The following APOB variants were observed in gnomAD, a reference collection of about 807,000 sequenced individuals.
APOB encodes the protein apolipoprotein B, also known as apolipoprotein B-100.
In APOB, 153 loss-of-function variants were observed where a neutral mutation model predicts 314.1. The ratio of observed to expected loss-of-function variants is 0.49; its 90% CI spans 0.43 to 0.56. APOB has a LOEUF of 0.56. Among genes scored for constraint, APOB ranks in the 20% least tolerant of loss-of-function variants. The pLI, the probability that APOB is intolerant of heterozygous loss-of-function variation, is 0.00. For synonymous variants in APOB, 2,087 were observed against 2,036.4 expected (o/e 1.02, Z -0.67); for missense variants, 5,430 against 5,350.7 (o/e 1.01, Z -0.46).
chr2:21,043,958 TG>T lies in APOB; in HGVS notation c.-14del. On this transcript the variant is annotated 5_prime_UTR_variant, in exon 1 of 29. Coordinates refer to ENST00000233242, the MANE Select transcript of APOB (RefSeq NM_000384.3). ...TCGGCGGGTCCATCGCCAGCTGCGG[TG>T]GGGCGGCTCCTGGGCTGCGGCCTGG... 1 of 1,271,562 alleles carries T rather than the reference TG, an allele frequency of 7.9e-7. No individual in the cohort carries two copies. The highest frequency in any genetic ancestry group is 2.2e-5 in the South Asian group (1 of 46,114). 78.8% of individuals were successfully genotyped at this position (1,271,562 alleles called of 1,614,324 possible).
Position 21,008,895 on chromosome 2 carries a change from A to G in APOB, c.7973T>C (p.Ile2658Thr). 6.2e-7 allele frequency: 1 copy of G among 1,614,068 alleles called. No homozygotes were observed. The highest frequency in any genetic ancestry group is 1.1e-5 in the South Asian group (1 of 91,084). The change falls in exon 26 of 29, where the codon ATT (isoleucine) becomes ACT (threonine). Residue 2658 changes from isoleucine to threonine, a missense_variant. Ile to Thr is a moderately conservative substitution (Grantham distance 89). Transcript: ENST00000233242. ...PEFTILNTFHIPSFTIDFVEM... is the reference protein window; with the variant it reads ...PEFTILNTFHTPSFTIDFVEM... ...TACAAAGTCAATTGTAAAGGAAGGA[A>G]TGTGGAAGGTGTTAAGGATGGTAAA... is the stretch of plus-strand genomic sequence containing the variant.
rs200353509 is a variant in APOB, at chr2:21,035,701, G to A, written c.701C>T (p.Pro234Leu). The change falls in exon 7 of 29, where the codon CCC (proline) becomes CTC (leucine). Residue 234 changes from proline to leucine, a missense_variant. By Grantham distance (98) the Pro-to-Leu change is moderately conservative (BLOSUM62 -3). Coordinates refer to ENST00000233242, the MANE Select transcript of APOB (RefSeq NM_000384.3). ...PLALIKGMTR[P>L]LSTLISSSQS... ...GCTGCTGCTGATCAGAGTTGACAAG[G>A]GGCGGGTCTATGAAAGAGATTGGAG... 6.2e-7 allele frequency: 1 copy of A among 1,614,056 alleles called. No individual in the cohort carries two copies.
In APOB at chr2:21,035,478, A is replaced by T. The variant is rs190243210; in HGVS notation, c.818+106T>A. 78 of 1,466,494 alleles carry T rather than the reference A, an allele frequency of 5.3e-5. No individual in the cohort carries two copies. The African/African-American group carries it at 1.0e-3, about 19-fold the overall frequency. 90.8% of individuals were successfully genotyped at this position (1,466,494 alleles called of 1,614,324 possible). A position where few individuals can be genotyped will look rare whatever the true frequency, so the allele number is the denominator to read the frequency against. On this transcript the variant is annotated intron_variant, in intron 7 of 28. Coordinates refer to ENST00000233242, the MANE Select transcript of APOB (RefSeq NM_000384.3). ...GAGGGGCGGCATTTTATCCCTCTCC[A>T]TTCCTCCCTCCCAGGCACAGGTTTG...
At position 21,042,481 on chromosome 2, in the gene APOB, C is replaced by T. The variant is rs1664156266; in HGVS notation, c.122-5G>A. The T allele has an allele frequency of 5.0e-6, 8 of 1,612,046 alleles. No homozygotes were observed. Among genetic ancestry groups the T allele is most frequent in the Non-Finnish European group, 6.8e-6 (8 of 1,178,108 alleles). ...GCTTGAATCGGGTCGCATCTTCTAA[C>T]GTGGGGAGAAATACGTCAGCCACAT... On this transcript the variant is annotated splice_region_variant and splice_polypyrimidine_tract_variant and intron_variant, in intron 2 of 28. Transcript: ENST00000233242.
chr2:21,021,560 T>A (rs1160347019), intron 18 of APOB, among the ~76,000 whole-genome samples: 1 of 152,224 alleles, frequency 6.6e-6, no homozygotes, highest in African/African-American at 2.4e-5. Context: ...CAGCTGGGCA[T>A]GCTCTCTCCC....
chr2:21,028,624 T>C (rs1663802925), intron 12 of APOB, 86 bp from the exon 13 acceptor site: 1 of 921,810 alleles, frequency 1.1e-6, no homozygotes, highest in East Asian at 2.4e-5. Flanking sequence ...GTCTGCTAGC[T>C]CTTTCTTAAG....
At chr2:21,030,299 ATACT>A (rs1663841779) in intron 10 of APOB, among the ~76,000 whole-genome samples, 1 of 152,228 alleles carries the variant, frequency 6.6e-6, no homozygotes, top group Non-Finnish European at 1.5e-5. Context: ...ATAAAGTCAC[ATACT>A]TACAGTCAAC....
chr2:21,012,793 A>C (rs1663362949), intron 25 of APOB, 142 bp from the exon 26 acceptor site: 2 of 934,396 alleles, frequency 2.1e-6, no homozygotes, highest in African/African-American at 3.3e-5. Flanking sequence ...ATGCAAAGAT[A>C]AAATCTGATA....
chr2:21,024,873 C>T lies in APOB; in HGVS notation c.2436+60G>A, dbSNP rs781137622. 1.5e-5 allele frequency: 24 copies of T among 1,565,102 alleles called. No individual in the cohort carries two copies. In the East Asian group the frequency reaches 2.5e-4, roughly 16 times the overall value. ...AGCTGGGATCGTAAGGGAGTCTGGG[C>T]GATCTAAAAAAAAACCAACGTCTGG... On this transcript the variant is annotated intron_variant, in intron 16 of 28. Coordinates refer to ENST00000233242, the MANE Select transcript of APOB (RefSeq NM_000384.3).
chr2:21,040,655 G>C (rs1425846086), intron 4 of APOB, among the ~76,000 whole-genome samples: 1 of 152,144 alleles, frequency 6.6e-6, no homozygotes, highest in Non-Finnish European at 1.5e-5. Flanking sequence ...CTTTAAATAA[G>C]AATTCACTTG....
In APOB at chr2:21,010,033, G is replaced by T. The variant is rs121918388; in HGVS notation, c.6835C>A (p.Gln2279Lys). ...LKRHIQNIDI[Q>K]HLAGKLKQHI... ...TGTTTTAACTTTCCAGCTAGGTGCT[G>T]GATGTCTATATTCTGTATGTGTCTC... is the stretch of plus-strand genomic sequence containing the variant. The change falls in exon 26 of 29, where the codon CAG becomes AAG. Residue 2279 changes from glutamine to lysine, a missense_variant. Physicochemically the swap from Gln to Lys is moderately conservative, Grantham distance 53 (BLOSUM62 1). Around this residue, in one of 3 missense-constraint regions of APOB, gnomAD observed 3,281 missense variants for 3,171.0 expected, o/e 1.03. Coordinates refer to ENST00000233242, the MANE Select transcript of APOB (RefSeq NM_000384.3). 1 of 1,613,596 alleles carries T rather than the reference G, an allele frequency of 6.2e-7. No individual in the cohort carries two copies. Among genetic ancestry groups the T allele is most frequent in the Non-Finnish European group, 8.5e-7 (1 of 1,179,922 alleles).
chr2:21,029,072 G>A (rs1032387704), intron 12 of APOB, among the ~76,000 whole-genome samples: 2 of 152,210 alleles, frequency 1.3e-5, no homozygotes, highest in African/African-American at 4.8e-5. Flanking sequence ...TCTGCATGTT[G>A]ACATAGCAGC....
At chr2:21,020,011 G>T in intron 18 of APOB, 106 bp from the exon 19 acceptor site, 1 of 959,944 alleles carries the variant, frequency 1.0e-6, no homozygotes, top group Non-Finnish European at 1.7e-6. Flanking sequence ...TCTTCCCTCA[G>T]TCCACACCTA....
Position 21,043,940 on chromosome 2 carries a change from G to T in APOB, c.6C>A (p.Asp2Glu). ...GCGCCAGCAGCGCGGGCCTCGGCGG[G>T]TCCATCGCCAGCTGCGGTGGGGCGG... MDPPRPALLALL... is the reference protein window; with the variant it reads MEPPRPALLALL... Residue 2 changes from aspartate (D) to glutamate (E), a missense_variant, in exon 1 of 29, where the codon GAC becomes GAA. Physicochemically the swap from Asp to Glu is conservative, Grantham distance 45. Coordinates refer to ENST00000233242, the MANE Select transcript of APOB (RefSeq NM_000384.3). The T allele has an allele frequency of 7.5e-7, 1 of 1,339,824 alleles. No individual in the cohort carries two copies. The highest frequency in any genetic ancestry group is 9.6e-7 in the Non-Finnish European group (1 of 1,045,690). 83.0% of individuals were successfully genotyped at this position (1,339,824 alleles called of 1,614,324 possible). A position where few individuals can be genotyped will look rare whatever the true frequency, so the allele number is the denominator to read the frequency against.
Position 21,023,530 on chromosome 2 carries a change from C to T in APOB, c.2599G>A (p.Ala867Thr), listed in dbSNP as rs764058064. Residue 867 changes from alanine (A) to threonine (T), a missense_variant, in exon 17 of 29, where the codon GCC becomes ACC. Ala to Thr is a moderately conservative substitution (Grantham distance 58, BLOSUM62 0). Coordinates refer to ENST00000233242, the MANE Select transcript of APOB (RefSeq NM_000384.3). ...GAKAGVKLEV[A>T]NMQAELVAKP... ...AAAGGCAAACAGAATCTTACGTTGG[C>T]TACTTCCAGTTTTACTCCAGCCTTG... 6.2e-7 allele frequency: 1 copy of T among 1,614,158 alleles called. No homozygotes were observed. Among genetic ancestry groups the T allele is most frequent in the Non-Finnish European group, 8.5e-7 (1 of 1,180,006 alleles).
At position 21,013,409 on chromosome 2, in the gene APOB, A is replaced by C. The variant is rs1189790684; in HGVS notation, c.3967T>G (p.Phe1323Val). The stretch of plus-strand genomic sequence containing the variant: ...GGCAGATGGAATCCCACAGACTTGA[A>C]GTGGAGGGCTGGTGTCCTAACAGTC... ...LETVRTPALH[F>V]KSVGFHLPSR... The change falls in exon 25 of 29, where the codon TTC becomes GTC. Residue 1323 changes from phenylalanine to valine, a missense_variant. Phe to Val is a conservative substitution (Grantham distance 50, BLOSUM62 -1). This residue lies in a region of APOB where 2,085 missense variants were observed against 2,079.7 expected (regional missense o/e 1.00). Transcript: ENST00000233242. 1 of 1,614,130 alleles carries C rather than the reference A, an allele frequency of 6.2e-7. No individual in the cohort carries two copies. Among genetic ancestry groups the C allele is most frequent in the Non-Finnish European group, 8.5e-7 (1 of 1,180,054 alleles).
At chr2:21,021,286 T>C (rs2103368633) in intron 18 of APOB, among the ~76,000 whole-genome samples, 1 of 152,316 alleles carries the variant, frequency 6.6e-6, no homozygotes, top group African/African-American at 2.4e-5. Flanking sequence ...GTACTTATGA[T>C]TCTGCCTCTT....
chr2:21,020,269 C>G (rs949359812), intron 18 of APOB, among the ~76,000 whole-genome samples: 17 of 152,204 alleles, frequency 1.1e-4, no homozygotes, highest in Non-Finnish European at 2.5e-4. Flanking sequence ...GAAACTGTCT[C>G]TTTCATATGA....
Position 21,037,099 on chromosome 2 carries a change from C to T in APOB, c.693+1G>A. ...CACGACAGTGCTGACATGGGACTTA[C>T]CATGCCTTTGATGAGAGCAAGTGGG... On this transcript the variant is annotated splice_donor_variant, in intron 6 of 28. Coordinates refer to ENST00000233242, the MANE Select transcript of APOB (RefSeq NM_000384.3). LOFTEE classifies it high-confidence loss of function. 1 of 1,614,186 alleles carries T rather than the reference C, an allele frequency of 6.2e-7. No homozygotes were observed. The highest frequency in any genetic ancestry group is 8.5e-7 in the Non-Finnish European group (1 of 1,180,040).
Sources: allele counts gnomAD v4.1 joint callset (sites outside exome capture counted in the v4.1 genomes callset), GRCh38; gene constraint gnomAD v4.1.1; regional missense constraint gnomAD v4.1.1; transcripts MANE v1.5; gene names NCBI Gene and HGNC (gene_info 2026-07-23, HGNC 2026-07-21).